Variants in ARID1A observed in about 807,000 individuals in gnomAD.
ARID1A encodes the protein AT-rich interaction domain 1A, also known as AT-rich interactive domain-containing protein 1A.
In ARID1A, 20 loss-of-function variants were observed where a neutral mutation model predicts 212.6. The ratio of observed to expected loss-of-function variants is 0.09; its 90% CI spans 0.07 to 0.14. ARID1A has a LOEUF of 0.14. Among genes scored for constraint, ARID1A ranks in the 10% least tolerant of loss-of-function variants. The probability of loss-of-function intolerance (pLI) is 1.00; values close to 1 mark genes in which losing one functional copy is unlikely to be tolerated. For missense variants in ARID1A, 2,587 were observed against 3,059.0 expected (o/e 0.85, Z 3.64); for synonymous variants, 1,376 against 1,222.1 (o/e 1.13, Z -2.63).
At chr1:26,714,398 T>TTTTGTTTGTTTG (rs71007887) in intron 1 of ARID1A, among the ~76,000 whole-genome samples, 138 of 151,862 alleles carry the variant, frequency 9.1e-4, no homozygotes, top group Middle Eastern at 3.4e-3. Flanking sequence ...CTATAATCTT[T>TTTTGTTTGTTTG]TTTGTTTGTT....
chr1:26,714,168 A>G (rs2080479648), intron 1 of ARID1A, among the ~76,000 whole-genome samples: 1 of 152,220 alleles, frequency 6.6e-6, no homozygotes, highest in African/African-American at 2.4e-5. Flanking sequence ...AGGTTCTGAA[A>G]AGACAGCTGG....
chr1:26,768,031 G>A (rs2124088235), intron 11 of ARID1A, 32 bp downstream of exon 11: 1 of 1,605,218 alleles, frequency 6.2e-7, no homozygotes. Context: ...GACTGCCCCT[G>A]TGGTTTCCAC....
rs2124096303 is a variant in ARID1A, at chr1:26,771,066, G to T, written c.3199-53G>T. ...GCCTGATGGGGCTTGGGGCTTATGG[G>T]CAGGAAAACCAGGCGGGAGATATAC... On this transcript the variant is annotated intron_variant, in intron 11 of 19. Coordinates refer to ENST00000324856, the MANE Select transcript of ARID1A (RefSeq NM_006015.6). The surrounding 1 kb of genome is among the most constrained non-coding windows in gnomAD (Gnocchi z 5.4). 1 of 1,552,342 alleles carries T rather than the reference G, an allele frequency of 6.4e-7. No homozygotes were observed. The highest frequency in any genetic ancestry group is 8.9e-7 in the Non-Finnish European group (1 of 1,124,640).
At chr1:26,714,707 G>T (rs959537675) in intron 1 of ARID1A, among the ~76,000 whole-genome samples, 2 of 152,050 alleles carry the variant, frequency 1.3e-5, no homozygotes, top group African/African-American at 4.8e-5. Flanking sequence ...GAGCCACCGC[G>T]CCGCATATAT....
intron 1 of ARID1A, among the ~76,000 whole-genome samples, chr1:26,699,316 T>G (rs1415879044): frequency 2.0e-5 from 3 of 152,218 alleles, no homozygotes; most frequent in Non-Finnish European, 4.4e-5. Flanking sequence ...CATCATGCTC[T>G]GTCAGCAGTG....
chr1:26,716,528 C>T (rs367994580), intron 1 of ARID1A, among the ~76,000 whole-genome samples: 1 of 152,126 alleles, frequency 6.6e-6, no homozygotes, highest in African/African-American at 2.4e-5. Context: ...CTGGTCAGTT[C>T]TGAGTCCCTT....
In ARID1A at chr1:26,696,147, A is replaced by G. The variant is rs1482341252; in HGVS notation, c.-257A>G. ...GCCGGGAGAGCCGGGTCCCGAGCCT[A>G]CAGAGCCGGGAGCAGCTGAGCCGCC... is the stretch of plus-strand genomic sequence containing the variant. On this transcript the variant is annotated 5_prime_UTR_variant, in exon 1 of 20. Transcript: ENST00000324856. 5 of 480,526 alleles carry G rather than the reference A, an allele frequency of 1.0e-5. No homozygotes were observed. In the East Asian group the frequency reaches 2.2e-4, roughly 21 times the overall value. The allele number at this position is 480,526 out of a possible 1,614,324, so 29.8% of individuals were successfully genotyped here.
At chr1:26,733,396 C>T (rs528250871) in intron 4 of ARID1A, among the ~76,000 whole-genome samples, 1 of 152,190 alleles carries the variant, frequency 6.6e-6, no homozygotes, top group Non-Finnish European at 1.5e-5. Flanking sequence ...GCTCTAGAGC[C>T]AGAGTTCCTG....
intron 2 of ARID1A, among the ~76,000 whole-genome samples, chr1:26,730,883 C>T (rs930727879): frequency 1.3e-5 from 2 of 152,194 alleles, no homozygotes; most frequent in East Asian, 3.8e-4. Context: ...AACAGCTGCT[C>T]TCAAACTTAT....
At chr1:26,714,549 G>A (rs868276668) in intron 1 of ARID1A, among the ~76,000 whole-genome samples, 1 of 152,054 alleles carries the variant, frequency 6.6e-6, no homozygotes, top group East Asian at 1.9e-4. Flanking sequence ...CTCCTGAGTA[G>A]CTGAGACTAC....
At chr1:26,741,043 G>A (rs1166944377) in intron 4 of ARID1A, among the ~76,000 whole-genome samples, 1 of 152,218 alleles carries the variant, frequency 6.6e-6, no homozygotes, top group Non-Finnish European at 1.5e-5. Context: ...TGAAACTTGG[G>A]TAAGACCTGA....
At chr1:26,778,996 T>A in intron 19 of ARID1A, 27 bp from the exon 20 acceptor site, 1 of 1,498,972 alleles carries the variant, frequency 6.7e-7, no homozygotes, top group Non-Finnish European at 8.9e-7. Context: ...TCTCCCTTAA[T>A]TTATTTCCTG....
At chr1:26,709,822 G>A (rs1265871136) in intron 1 of ARID1A, among the ~76,000 whole-genome samples, 1 of 149,994 alleles carries the variant, frequency 6.7e-6, no homozygotes, top group African/African-American at 2.5e-5. Context: ...AGCTATCAGG[G>A]CTAGCTTGCT....
intron 1 of ARID1A, among the ~76,000 whole-genome samples, chr1:26,701,453 G>A (rs904599926): frequency 6.6e-6 from 1 of 152,142 alleles, no homozygotes; most frequent in African/African-American, 2.4e-5. Context: ...TACTTGAGTT[G>A]TGTGTTGCGT....
intron 1 of ARID1A, among the ~76,000 whole-genome samples, chr1:26,706,508 G>A (rs1239607152): frequency 6.6e-6 from 1 of 152,144 alleles, no homozygotes; most frequent in Non-Finnish European, 1.5e-5. Context: ...CGTGCTTGCC[G>A]GGCATGAGTG....
chr1:26,736,823 A>G (rs1217506134), intron 4 of ARID1A, among the ~76,000 whole-genome samples: 17 of 150,888 alleles, frequency 1.1e-4, no homozygotes. Context: ...AATTGCTTCA[A>G]TCCAGGAGGC....
At chr1:26,757,702 CTG>C (rs1227005265) in intron 4 of ARID1A, among the ~76,000 whole-genome samples, 1 of 151,710 alleles carries the variant, frequency 6.6e-6, no homozygotes, top group Non-Finnish European at 1.5e-5. Context: ...GAGTCTCACT[CTG>C]TCACCCAGGC....
At chr1:26,741,854 C>T (rs991454114) in intron 4 of ARID1A, among the ~76,000 whole-genome samples, 14 of 152,160 alleles carry the variant, frequency 9.2e-5, no homozygotes, top group Non-Finnish European at 1.6e-4. Flanking sequence ...TGCTCTCAGA[C>T]GCTGAGATCT....
In ARID1A at chr1:26,761,322, T is replaced by C. The variant is rs2124058625; in HGVS notation, c.2162-62T>C. The stretch of plus-strand genomic sequence containing the variant: ...GAGCCATTTCTAGCTCTGAATTAAC[T>C]TCCTAGTTAGAATTCCCAGGCTTAG... On this transcript the variant is annotated intron_variant, in intron 5 of 19. Coordinates refer to ENST00000324856, the MANE Select transcript of ARID1A (RefSeq NM_006015.6). The C allele has an allele frequency of 1.0e-5, 16 of 1,590,854 alleles. No individual in the cohort carries two copies. In the South Asian group the frequency reaches 1.4e-4, roughly 14 times the overall value.
Sources: allele counts gnomAD v4.1 joint callset (sites outside exome capture counted in the v4.1 genomes callset), GRCh38; gene constraint gnomAD v4.1.1; non-coding constraint Gnocchi (gnomAD v3.1); transcripts MANE v1.5; gene names NCBI Gene and HGNC (gene_info 2026-07-23, HGNC 2026-07-21).